The following RPS6KC1 variants were observed in gnomAD, a reference collection of about 807,000 sequenced individuals.
RPS6KC1 encodes the protein inactive ribosomal protein S6 kinase delta-1.
In RPS6KC1, 54 loss-of-function variants were observed where a neutral mutation model predicts 103.8. That is an observed-to-expected ratio of 0.52 (90% confidence interval 0.42 to 0.65). The LOEUF (loss-of-function observed/expected upper bound fraction) is 0.65. Among genes scored for constraint, RPS6KC1 ranks in the 30% least tolerant of loss-of-function variants. The pLI, the probability that RPS6KC1 is intolerant of heterozygous loss-of-function variation, is 0.00. For missense variants in RPS6KC1, 1,151 were observed against 1,253.8 expected (o/e 0.92, Z 1.24); for synonymous variants, 439 against 438.7 (o/e 1.00, Z -0.01).
chr1:213,178,128 G>A (rs762756188), intron 8 of RPS6KC1, among the ~76,000 whole-genome samples: 1 of 151,522 alleles, frequency 6.6e-6, no homozygotes, highest in African/African-American at 2.4e-5. Flanking sequence ...TGAGGCTGCC[G>A]TGAGCCGTGG....
the RPS6KC1 span, among the ~76,000 whole-genome samples, chr1:213,459,507 G>A: frequency 2.0e-5 from 3 of 151,866 alleles, no homozygotes; most frequent in South Asian, 6.2e-4. Flanking sequence ...TTGGCTAGAG[G>A]TCTACTTTGT....
chr1:213,389,064 G>A, the RPS6KC1 span, among the ~76,000 whole-genome samples: 1 of 152,146 alleles, frequency 6.6e-6, no homozygotes, highest in African/African-American at 2.4e-5. Context: ...AATGGCTGGT[G>A]CATGCCAAAG....
chr1:213,660,478 GA>G, the RPS6KC1 span, among the ~76,000 whole-genome samples: 1 of 152,182 alleles, frequency 6.6e-6, no homozygotes, highest in Admixed American at 6.5e-5. Flanking sequence ...GCCCCAATTA[GA>G]AAAACCAAAA....
intron 14 of RPS6KC1, among the ~76,000 whole-genome samples, chr1:213,266,760 G>A (rs1397267786): frequency 2.0e-5 from 3 of 151,092 alleles, no homozygotes; most frequent in Non-Finnish European, 4.4e-5. Context: ...AAAATTAGTC[G>A]GTCGTGGTGG....
chr1:213,517,618 T>C, the RPS6KC1 span, among the ~76,000 whole-genome samples: 7 of 152,220 alleles, frequency 4.6e-5, no homozygotes, highest in African/African-American at 1.7e-4. Context: ...TTCTATTCTT[T>C]TACATTTGCT....
At chr1:213,528,520 A>G in the RPS6KC1 span, among the ~76,000 whole-genome samples, 2 of 152,202 alleles carry the variant, frequency 1.3e-5, no homozygotes, top group African/African-American at 4.8e-5. Context: ...TCATGGGGGT[A>G]CAATTTGATC....
the RPS6KC1 span, among the ~76,000 whole-genome samples, chr1:213,480,096 A>G: frequency 6.6e-6 from 1 of 151,978 alleles, no homozygotes; most frequent in Non-Finnish European, 1.5e-5. Context: ...GTGGACATTC[A>G]TTGTCCTGCA....
At chr1:213,612,249 A>T in the RPS6KC1 span, among the ~76,000 whole-genome samples, 1 of 152,238 alleles carries the variant, frequency 6.6e-6, no homozygotes, top group Non-Finnish European at 1.5e-5. Context: ...AGGCTTGAGA[A>T]CCACTTGTGC....
chr1:213,463,124 T>C, the RPS6KC1 span, among the ~76,000 whole-genome samples: 2 of 152,252 alleles, frequency 1.3e-5, no homozygotes, highest in Non-Finnish European at 2.9e-5. Context: ...GTGTTTATTC[T>C]TGTTATACAT....
chr1:213,595,183 C>T, the RPS6KC1 span, among the ~76,000 whole-genome samples: 10 of 152,304 alleles, frequency 6.6e-5, no homozygotes, highest in East Asian at 1.9e-4. Flanking sequence ...TCAAGGTAAA[C>T]GCCACCATTA....
the RPS6KC1 span, among the ~76,000 whole-genome samples, chr1:213,313,951 T>TA: frequency 7.6e-4 from 115 of 151,814 alleles, 1 homozygote; most frequent in Middle Eastern, 6.8e-3. Flanking sequence ...AGACTCGATT[T>TA]AAAAAAAGAA....
intron 8 of RPS6KC1, chr1:213,205,358 A>G: frequency 1.0e-6 from 1 of 985,070 alleles, no homozygotes; most frequent in Non-Finnish European, 1.2e-6. Context: ...CCCATGGAAC[A>G]TCAGTCATTG....
the RPS6KC1 span, among the ~76,000 whole-genome samples, chr1:213,386,172 C>T: frequency 6.6e-6 from 1 of 152,132 alleles, no homozygotes; most frequent in African/African-American, 2.4e-5. Flanking sequence ...GGCACCTTTC[C>T]ACTCTCTCTT....
the RPS6KC1 span, among the ~76,000 whole-genome samples, chr1:213,577,867 T>C: frequency 6.6e-6 from 1 of 152,248 alleles, no homozygotes; most frequent in Non-Finnish European, 1.5e-5. Context: ...TGCAGCCTGA[T>C]GATGTAAAAA....
the RPS6KC1 span, among the ~76,000 whole-genome samples, chr1:213,580,233 A>C: frequency 3.9e-5 from 6 of 152,232 alleles, no homozygotes; most frequent in East Asian, 5.8e-4. Context: ...AACACTCACG[A>C]TGACTTTGAG....
chr1:213,555,964 C>T, the RPS6KC1 span, among the ~76,000 whole-genome samples: 2 of 152,348 alleles, frequency 1.3e-5, no homozygotes, highest in South Asian at 4.1e-4. Flanking sequence ...CTTCAGTCCC[C>T]TTACAACTTA....
At chr1:213,055,613 T>G (rs140882234) in intron 1 of RPS6KC1, among the ~76,000 whole-genome samples, 479 of 152,334 alleles carry the variant, frequency 3.1e-3, no homozygotes, top group African/African-American at 0.011. Flanking sequence ...ATACTAAGTT[T>G]TGAAATCAGG....
the RPS6KC1 span, among the ~76,000 whole-genome samples, chr1:213,634,878 A>C: frequency 6.6e-6 from 1 of 152,088 alleles, no homozygotes; most frequent in South Asian, 2.1e-4. Flanking sequence ...GCCCCTTGCA[A>C]GACTAATAAA....
chr1:213,627,683 T>C, the RPS6KC1 span, among the ~76,000 whole-genome samples: 6 of 152,232 alleles, frequency 3.9e-5, no homozygotes, highest in Non-Finnish European at 7.3e-5. Context: ...GAGATAATCA[T>C]ATGGTTTTTG....
Sources: gnomAD v4.1 joint callset for allele counts (sites outside exome capture counted in the v4.1 genomes callset) on GRCh38, gnomAD v4.1.1 for gene constraint, MANE v1.5 for transcripts, NCBI Gene and HGNC (gene_info 2026-07-23, HGNC 2026-07-21) for gene names.